Variants in LRRTM4 observed in about 807,000 individuals in gnomAD.
The protein encoded by LRRTM4 is leucine-rich repeat transmembrane neuronal protein 4.
Under a neutral mutation model 47.6 loss-of-function variants are expected in LRRTM4, and 25 were observed. That is an observed-to-expected ratio of 0.53 (90% CI 0.38 to 0.73). LRRTM4 has a LOEUF of 0.73. Among genes scored for constraint, LRRTM4 ranks in the 30% least tolerant of loss-of-function variants. The pLI, the probability that LRRTM4 is intolerant of heterozygous loss-of-function variation, is 0.00. For synonymous variants in LRRTM4, 311 were observed against 269.5 expected, an observed-to-expected ratio of 1.15 and a Z score of -1.51; for missense variants, 638 against 713.4, an observed-to-expected ratio of 0.89 and a Z score of 1.20.
At chr2:76,751,057 A>G (rs537325620) in intron 3 of LRRTM4, among the ~76,000 whole-genome samples, 75 of 152,334 alleles carry the variant, frequency 4.9e-4, no homozygotes, top group African/African-American at 1.8e-3. Context: ...GTGCATATCA[A>G]TGTGTGTACT....
At chr2:76,783,480 C>T (rs1391193225) in intron 3 of LRRTM4, among the ~76,000 whole-genome samples, 1 of 152,144 alleles carries the variant, frequency 6.6e-6, no homozygotes, top group Non-Finnish European at 1.5e-5. Context: ...TCATGACCAT[C>T]TACCTCCAGA....
At chr2:77,434,332 C>A (rs954368806) in intron 3 of LRRTM4, among the ~76,000 whole-genome samples, 1 of 151,604 alleles carries the variant, frequency 6.6e-6, no homozygotes, top group Non-Finnish European at 1.5e-5. Context: ...CAAAAGATAC[C>A]AAAACAGGCC....
chr2:76,988,265 G>A lies in LRRTM4; in HGVS notation c.1552-239349C>T, dbSNP rs757990167. 5.8e-4 allele frequency among the ~76,000 whole-genome samples: 88 copies of A among 151,774 alleles called. 1 individual carries two copies. The highest frequency in any genetic ancestry group is 1.1e-3 in the Non-Finnish European group (74 of 67,894). ...GCTCAACTCGATAATTTCATAGCAAGTCTCCTTAAGCACAAGGAAAGAAAA... is the reference window on the plus strand; with the variant it reads ...GCTCAACTCGATAATTTCATAGCAAATCTCCTTAAGCACAAGGAAAGAAAA... On this transcript the variant is annotated intron_variant, in intron 3 of 3. Coordinates refer to ENST00000409884, the MANE Select transcript of LRRTM4 (RefSeq NM_001134745.3).
chr2:76,886,221 CAAAT>C (rs1673072070), intron 3 of LRRTM4, among the ~76,000 whole-genome samples: 2 of 152,250 alleles, frequency 1.3e-5, no homozygotes, highest in African/African-American at 2.4e-5. Context: ...GTACCTATCT[CAAAT>C]GAATGCAGTG....
intron 3 of LRRTM4, among the ~76,000 whole-genome samples, chr2:77,088,256 C>T (rs1045157837): frequency 1.3e-5 from 2 of 152,306 alleles, no homozygotes; most frequent in South Asian, 2.1e-4. Context: ...GAAGCAATCG[C>T]GTCCCCTGTG....
intron 3 of LRRTM4, among the ~76,000 whole-genome samples, chr2:77,495,448 C>T (rs1318617990): frequency 6.6e-6 from 1 of 151,990 alleles, no homozygotes; most frequent in Non-Finnish European, 1.5e-5. Flanking sequence ...CTTCTGTTGT[C>T]ATATATAATA....
chr2:76,971,989 G>A (rs1253795090), intron 3 of LRRTM4, among the ~76,000 whole-genome samples: 3 of 151,980 alleles, frequency 2.0e-5, no homozygotes, highest in Non-Finnish European at 4.4e-5. Flanking sequence ...ACTTACAGGG[G>A]AGCAGAAGCC....
intron 3 of LRRTM4, among the ~76,000 whole-genome samples, chr2:77,211,422 C>T (rs540568288): frequency 6.6e-5 from 10 of 152,108 alleles, no homozygotes; most frequent in Admixed American, 1.3e-4. Flanking sequence ...AATAGGAAGC[C>T]GCTGGGTGAG....
intron 3 of LRRTM4, among the ~76,000 whole-genome samples, chr2:77,193,236 G>A (rs918389904): frequency 1.7e-4 from 26 of 152,078 alleles, no homozygotes; most frequent in Admixed American, 8.5e-4. Context: ...TGTGTAGCAG[G>A]CCATGCCAAC....
intron 3 of LRRTM4, among the ~76,000 whole-genome samples, chr2:76,815,910 G>T (rs1670883518): frequency 6.6e-6 from 1 of 151,922 alleles, no homozygotes; most frequent in Admixed American, 6.6e-5. Context: ...TTCTGAAATT[G>T]ATTTTATTAT....
chr2:76,901,149 A>G (rs964851990), intron 3 of LRRTM4, among the ~76,000 whole-genome samples: 1 of 152,084 alleles, frequency 6.6e-6, no homozygotes, highest in Non-Finnish European at 1.5e-5. Flanking sequence ...AACCCATCAC[A>G]TAGGTACTAA....
intron 3 of LRRTM4, among the ~76,000 whole-genome samples, chr2:77,010,501 T>TACACAC (rs34456976): frequency 0.19 from 25,995 of 139,344 alleles, 2,674 homozygotes; most frequent in Middle Eastern, 0.25. Context: ...TTGTATTGTT[T>TACACAC]ACACACACAC....
chr2:77,294,845 A>G (rs1192122402), intron 3 of LRRTM4, among the ~76,000 whole-genome samples: 6 of 152,194 alleles, frequency 3.9e-5, no homozygotes, highest in Non-Finnish European at 7.4e-5. Context: ...CTCAGTTGCA[A>G]TGGGTAATGT....
At chr2:77,513,165 G>A (rs755016589) in intron 3 of LRRTM4, among the ~76,000 whole-genome samples, 1 of 152,172 alleles carries the variant, frequency 6.6e-6, no homozygotes, top group Non-Finnish European at 1.5e-5. Context: ...TCACACATGT[G>A]TATGCGTGAG....
chr2:77,313,397 C>G (rs1233916641), intron 3 of LRRTM4, among the ~76,000 whole-genome samples: 1 of 152,054 alleles, frequency 6.6e-6, no homozygotes, highest in African/African-American at 2.4e-5. Flanking sequence ...CTGTGATGTG[C>G]CTCCCTACGT....
intron 3 of LRRTM4, among the ~76,000 whole-genome samples, chr2:77,061,687 AAT>A (rs1679790523): frequency 6.6e-6 from 1 of 151,196 alleles, no homozygotes; most frequent in Admixed American, 6.6e-5. Context: ...CCAACTCTCA[AAT>A]AGTTTTCCAT....
At chr2:76,795,752 C>T (rs1326568720) in intron 3 of LRRTM4, among the ~76,000 whole-genome samples, 4 of 152,132 alleles carry the variant, frequency 2.6e-5, no homozygotes, top group Admixed American at 2.6e-4. Flanking sequence ...ATGAGGCCAA[C>T]ATTACCCTGA....
chr2:76,797,223 G>C (rs867541116), intron 3 of LRRTM4, among the ~76,000 whole-genome samples: 2 of 152,106 alleles, frequency 1.3e-5, no homozygotes, highest in East Asian at 1.9e-4. Flanking sequence ...GAGAAAGGTC[G>C]GGTTACCCTC....
chr2:77,149,790 C>A lies in LRRTM4; in HGVS notation c.1551+368528G>T, dbSNP rs577913742. 8.5e-5 allele frequency among the ~76,000 whole-genome samples: 13 copies of A among 152,254 alleles called. 1 individual carries two copies. The East Asian group carries it at 2.3e-3, about 27-fold the overall frequency. ...TGGTGAGCACTGAGTGTCTACCTGT[C>A]AGCATCTCACACCTCACTGAACTCA... On this transcript the variant is annotated intron_variant, in intron 3 of 3. Transcript: ENST00000409884.
Sources: allele counts gnomAD v4.1 joint callset (sites outside exome capture counted in the v4.1 genomes callset), GRCh38; gene constraint gnomAD v4.1.1; transcripts MANE v1.5; gene names NCBI Gene and HGNC (gene_info 2026-07-23, HGNC 2026-07-21).